DNAH7: variants seen among roughly 807,000 people sequenced by gnomAD.
DNAH7 encodes the protein axonemal beta dynein heavy chain 7.
DNAH7 carries 397 observed loss-of-function variants against 444.6 expected under a neutral mutation model. That is an observed-to-expected ratio of 0.89 (90% CI 0.82 to 0.97). The LOEUF is 0.97. Ranked by LOEUF, DNAH7 falls within the 50% of genes least tolerant of loss-of-function variation. DNAH7 has a pLI of 0.00. For missense variants in DNAH7, 4,902 were observed against 4,800.8 expected (o/e 1.02, Z -0.62); for synonymous variants, 1,636 against 1,624.4 (o/e 1.01, Z -0.17).
At chr2:195,931,166 A>G (rs1398084874) in intron 21 of DNAH7, among the ~76,000 whole-genome samples, 1 of 152,132 alleles carries the variant, frequency 6.6e-6, no homozygotes, top group Non-Finnish European at 1.5e-5. Context: ...CTGCACATGT[A>G]CCCCTGAATC....
At chr2:196,012,927 CAG>C in intron 9 of DNAH7, 21 bp from the exon 10 acceptor site, 1 of 1,441,232 alleles carries the variant, frequency 6.9e-7, no homozygotes, top group East Asian at 2.5e-5. Flanking sequence ...TAAAAATAAA[CAG>C]TAATTTAACA....
chr2:195,772,053 G>A (rs529894487), intron 60 of DNAH7, among the ~76,000 whole-genome samples, 163 bp from the exon 61 acceptor site: 8 of 152,304 alleles, frequency 5.3e-5, no homozygotes, highest in African/African-American at 1.9e-4. Context: ...TAACAGGCAG[G>A]AGGATGGATT....
chr2:195,872,000 C>T (rs1444945671), intron 40 of DNAH7, among the ~76,000 whole-genome samples: 1 of 138,430 alleles, frequency 7.2e-6, no homozygotes, highest in Non-Finnish European at 1.6e-5. Flanking sequence ...CAAAGTGACA[C>T]CTACTTTGAA....
At chr2:195,761,775 C>A (rs1175638852) in intron 61 of DNAH7, among the ~76,000 whole-genome samples, 1 of 152,026 alleles carries the variant, frequency 6.6e-6, no homozygotes, top group Non-Finnish European at 1.5e-5. Flanking sequence ...AGAGACTTTC[C>A]CAAACAACAA....
chr2:195,778,595 G>A (rs1244915623), intron 58 of DNAH7, among the ~76,000 whole-genome samples: 2 of 130,406 alleles, frequency 1.5e-5, no homozygotes, highest in African/African-American at 5.9e-5. Flanking sequence ...CTCCAGCCTG[G>A]GTGACAGAGC....
In DNAH7 at chr2:195,773,114, C is replaced by T. The variant is rs554813895; in HGVS notation, c.11203-1224G>A. 3.3e-5 allele frequency among the ~76,000 whole-genome samples: 5 copies of T among 152,192 alleles called. No individual in the cohort carries two copies. In the South Asian group the frequency reaches 1.0e-3, roughly 32 times the overall value. On this transcript the variant is annotated intron_variant, in intron 60 of 64. Transcript: ENST00000312428. ...GATTTTAACACTACTTACCACATAC[C>T]ACCATAATATCCTATACAGTTACAC...
intron 10 of DNAH7, among the ~76,000 whole-genome samples, chr2:196,009,072 T>G (rs981026510): frequency 6.6e-6 from 1 of 152,118 alleles, no homozygotes; most frequent in Non-Finnish European, 1.5e-5. Context: ...CCAGATCTTG[T>G]GTGAACTCAG....
rs71015727 is a variant in DNAH7, at chr2:195,740,585, A to ATG, written c.11868+179_11868+180dup. On this transcript the variant is annotated intron_variant, in intron 64 of 64. Coordinates refer to ENST00000312428, the MANE Select transcript of DNAH7 (RefSeq NM_018897.3). ...CATGAATAACAAGAATTGACTGTAT[A>ATG]TGTGTGTGTGTGTGTGTGTGTGTGT... Among the ~76,000 whole-genome samples, 11 of 132,414 alleles carry ATG rather than the reference A, an allele frequency of 8.3e-5. 1 individual carries two copies. The highest frequency in any genetic ancestry group is 3.2e-4 in the African/African-American group (11 of 34,522). 86.9% of individuals were successfully genotyped at this position (132,414 alleles called of 152,430 possible). A position where few individuals can be genotyped will look rare whatever the true frequency, so the allele number is the denominator to read the frequency against.
chr2:195,887,763 A>T (rs180920796), intron 33 of DNAH7, among the ~76,000 whole-genome samples: 3 of 152,254 alleles, frequency 2.0e-5, no homozygotes, highest in African/African-American at 7.2e-5. Flanking sequence ...GCTGAAGCTC[A>T]TCAACTCTCA....
intron 10 of DNAH7, among the ~76,000 whole-genome samples, chr2:196,009,241 G>C (rs1369477984): frequency 6.6e-6 from 1 of 152,096 alleles, no homozygotes; most frequent in Admixed American, 6.6e-5. Context: ...ATACGGCATG[G>C]TGAAAATGAA....
At chr2:195,873,975 C>G (rs1350211020) in intron 38 of DNAH7, among the ~76,000 whole-genome samples, 1 of 152,156 alleles carries the variant, frequency 6.6e-6, no homozygotes, top group East Asian at 1.9e-4. Context: ...GCAGAAAAAG[C>G]CACAGGCCAT....
chr2:195,958,872 G>A (rs868429638), intron 18 of DNAH7, among the ~76,000 whole-genome samples: 13 of 152,150 alleles, frequency 8.5e-5, no homozygotes, highest in African/African-American at 2.9e-4. Flanking sequence ...AGTTTAGCCA[G>A]ATAATAAACA....
At chr2:195,800,548 A>G (rs1696395510) in intron 54 of DNAH7, among the ~76,000 whole-genome samples, 2 of 152,342 alleles carry the variant, frequency 1.3e-5, no homozygotes, top group South Asian at 4.1e-4. Context: ...TGAACAGGGG[A>G]TTAAATGCTA....
At chr2:196,063,750 G>C (rs1174090524) in intron 1 of DNAH7, 1 of 152,246 alleles carries the variant, frequency 6.6e-6, no homozygotes, top group African/African-American at 2.4e-5. Flanking sequence ...AGATAGCTGA[G>C]GATGGCTGTA....
chr2:195,796,775 C>T (rs770441073), intron 55 of DNAH7, 38 bp from the exon 56 acceptor site: 3 of 1,566,588 alleles, frequency 1.9e-6, no homozygotes, highest in Admixed American at 1.9e-5. Context: ...TTTAAAATCA[C>T]ATTTTAAGAA....
At chr2:195,812,529 G>A (rs1409602976) in intron 51 of DNAH7, among the ~76,000 whole-genome samples, 1 of 151,814 alleles carries the variant, frequency 6.6e-6, no homozygotes, top group Non-Finnish European at 1.5e-5. Flanking sequence ...TATTTATTCT[G>A]TTACATAAAT....
chr2:195,852,121 G>A (rs1638551163), intron 46 of DNAH7, among the ~76,000 whole-genome samples: 1 of 152,014 alleles, frequency 6.6e-6, no homozygotes, highest in Non-Finnish European at 1.5e-5. Context: ...AGCCAGGCGT[G>A]GTGGCGGGCA....
intron 43 of DNAH7, among the ~76,000 whole-genome samples, chr2:195,857,980 T>C (rs956203691): frequency 3.9e-5 from 6 of 152,200 alleles, no homozygotes; most frequent in African/African-American, 1.4e-4. Context: ...TCTTAACTTT[T>C]AATACACCTC....
chr2:195,954,310 G>A (rs992007315), intron 19 of DNAH7, among the ~76,000 whole-genome samples: 2 of 152,114 alleles, frequency 1.3e-5, no homozygotes, highest in African/African-American at 4.8e-5. Context: ...AGTTTGCTGA[G>A]AATCATGGTT....
Sources: allele counts gnomAD v4.1 joint callset (sites outside exome capture counted in the v4.1 genomes callset), GRCh38; gene constraint gnomAD v4.1.1; transcripts MANE v1.5; gene names NCBI Gene and HGNC (gene_info 2026-07-23, HGNC 2026-07-21).